Variants in CUX1 observed in about 807,000 individuals in gnomAD.
The protein encoded by CUX1 is protein CASP.
Under a neutral mutation model 158.8 loss-of-function variants are expected in CUX1, and 31 were observed. The ratio of observed to expected loss-of-function variants is 0.20; its 90% CI spans 0.15 to 0.26. CUX1 has a LOEUF of 0.26. Ranked by LOEUF, CUX1 falls within the 10% of genes least tolerant of loss-of-function variation. CUX1 has a pLI of 1.00. For synonymous variants in CUX1, 879 were observed against 862.1 expected, an observed-to-expected ratio of 1.02 and a Z score of -0.34; for missense variants, 1,589 against 2,014.6, an observed-to-expected ratio of 0.79 and a Z score of 4.04.
intron 1 of CUX1, among the ~76,000 whole-genome samples, chr7:101,821,675 T>C (rs866871399): frequency 5.4e-5 from 5 of 93,044 alleles, no homozygotes; most frequent in African/African-American, 2.5e-4. Context: ...TTTTTTCTTT[T>C]TTTTTTTTTT....
chr7:101,932,722 T>TCATGA, intron 2 of CUX1: 1 of 405,668 alleles, frequency 2.5e-6, no homozygotes, highest in Non-Finnish European at 5.1e-6. Flanking sequence ...TTCATACGTA[T>TCATGA]TTAAATGATT....
chr7:102,178,735 C>G, intron 11 of CUX1, 78 bp downstream of exon 11: 2 of 1,434,778 alleles, frequency 1.4e-6, no homozygotes, highest in Non-Finnish European at 1.9e-6. Context: ...CACACACCCT[C>G]TGCCTTTCTG....
At chr7:102,063,131 A>G (rs1394755738) in intron 3 of CUX1, among the ~76,000 whole-genome samples, 1 of 36,056 alleles carries the variant, frequency 2.8e-5, no homozygotes, top group Non-Finnish European at 4.3e-5. Context: ...GTAACACTAC[A>G]TTAAAAAAAA....
At chr7:102,280,077 A>C (rs782061545) in exon 19 of CUX1, 39 of 1,610,738 alleles carry the variant, frequency 2.4e-5, no homozygotes, top group Non-Finnish European at 3.1e-5. Flanking sequence ...TACTCGTCCC[A>C]GTACGAGGAG....
chr7:102,178,875 T>C (rs1792701951), intron 11 of CUX1, among the ~76,000 whole-genome samples: 1 of 152,162 alleles, frequency 6.6e-6, no homozygotes, highest in African/African-American at 2.4e-5. Context: ...TTTCCCTCTT[T>C]TTTTTTGGAG....
At chr7:101,880,092 G>C (rs927499119) in intron 1 of CUX1, among the ~76,000 whole-genome samples, 1 of 151,924 alleles carries the variant, frequency 6.6e-6, no homozygotes, top group African/African-American at 2.4e-5. Flanking sequence ...TTTTAAAAAG[G>C]CTGTTTTTTT....
chr7:101,870,365 T>G (rs1187132411), intron 1 of CUX1, among the ~76,000 whole-genome samples: 1 of 151,956 alleles, frequency 6.6e-6, no homozygotes, highest in Non-Finnish European at 1.5e-5. Flanking sequence ...GGAGACAGTG[T>G]TTCACCATGT....
At chr7:101,998,830 C>T (rs986313547) in intron 2 of CUX1, among the ~76,000 whole-genome samples, 13 of 152,282 alleles carry the variant, frequency 8.5e-5, no homozygotes, top group Non-Finnish European at 1.8e-4. Context: ...GCTCTCTCTT[C>T]GTCGCTTTCT....
intron 2 of CUX1, among the ~76,000 whole-genome samples, chr7:102,015,764 T>C (rs1818516023): frequency 6.6e-6 from 1 of 152,190 alleles, no homozygotes; most frequent in African/African-American, 2.4e-5. Flanking sequence ...GTTCACGTGC[T>C]CCTTCCCCAA....
intron 8 of CUX1, among the ~76,000 whole-genome samples, chr7:102,134,055 C>T (rs1833630564): frequency 6.6e-6 from 1 of 152,156 alleles, no homozygotes; most frequent in Non-Finnish European, 1.5e-5. Flanking sequence ...AAAAGATTGT[C>T]CTGGCGCGCT....
At chr7:102,006,985 C>T (rs1817453242) in intron 2 of CUX1, among the ~76,000 whole-genome samples, 1 of 152,164 alleles carries the variant, frequency 6.6e-6, no homozygotes, top group African/African-American at 2.4e-5. Context: ...GGGCCTCCTC[C>T]TCTGCTTGGC....
intron 2 of CUX1, among the ~76,000 whole-genome samples, chr7:102,003,267 T>G (rs1052666250): frequency 7.7e-6 from 1 of 129,504 alleles, no homozygotes; most frequent in Non-Finnish European, 1.6e-5. Flanking sequence ...GCACAGCCCC[T>G]CCCCACTAAG....
exon 22 of CUX1, chr7:102,282,724 C>A (rs782309842): frequency 6.2e-7 from 1 of 1,613,538 alleles, no homozygotes. Context: ...GCTCTACAAG[C>A]TGGCATGGAG....
At chr7:102,132,776 A>G (rs1250970116) in intron 8 of CUX1, among the ~76,000 whole-genome samples, 1 of 137,546 alleles carries the variant, frequency 7.3e-6, no homozygotes, top group Non-Finnish European at 1.5e-5. Context: ...GGTTCAAGCG[A>G]TTCTCCTGCC....
chr7:102,175,333 G>A (rs374580422), intron 10 of CUX1, among the ~76,000 whole-genome samples: 4 of 152,158 alleles, frequency 2.6e-5, no homozygotes, highest in African/African-American at 4.8e-5. Context: ...GACCCTTTTC[G>A]TAAAAGCCCT....
At chr7:102,003,332 A>ACACACC (rs898354137) in intron 2 of CUX1, among the ~76,000 whole-genome samples, 1 of 145,698 alleles carries the variant, frequency 6.9e-6, no homozygotes, top group South Asian at 2.1e-4. Flanking sequence ...ACACACACAC[A>ACACACC]CACGCCCGCC....
chr7:102,223,375 A>T (rs1554527720), intron 20 of CUX1, among the ~76,000 whole-genome samples: 1 of 152,156 alleles, frequency 6.6e-6, no homozygotes, highest in Non-Finnish European at 1.5e-5. Context: ...TGTGGGAGAA[A>T]TAGCACTCAG....
chr7:102,239,675 G>A, intron 23 of CUX1, 91 bp downstream of exon 23: 2 of 1,466,658 alleles, frequency 1.4e-6, no homozygotes, highest in Non-Finnish European at 1.8e-6. Flanking sequence ...GGGTGAGGCT[G>A]GGGCCGGAGG....
At chr7:101,975,614 G>T (rs1470814435) in intron 2 of CUX1, among the ~76,000 whole-genome samples, 4 of 152,102 alleles carry the variant, frequency 2.6e-5, no homozygotes, top group Non-Finnish European at 2.9e-5. Flanking sequence ...AGGCATGGGA[G>T]TGTTCTCTTC....
Sources: gnomAD v4.1 joint callset for allele counts (sites outside exome capture counted in the v4.1 genomes callset) on GRCh38, gnomAD v4.1.1 for gene constraint, MANE v1.5 for transcripts, NCBI Gene and HGNC (gene_info 2026-07-23, HGNC 2026-07-21) for gene names.